ZNF804B: variants seen among roughly 807,000 people sequenced by gnomAD.
The protein encoded by ZNF804B is zinc finger 804B.
ZNF804B carries 80 observed loss-of-function variants against 101.4 expected under a neutral mutation model. The ratio of observed to expected loss-of-function variants is 0.79; its 90% CI spans 0.66 to 0.95. The LOEUF is 0.95. Among genes scored for constraint, ZNF804B ranks in the 40% least tolerant of loss-of-function variants. The pLI is 0.00. For missense variants in ZNF804B, 1,673 were observed against 1,561.9 expected (o/e 1.07, Z -1.20); for synonymous variants, 622 against 558.8 (o/e 1.11, Z -1.59).
At chr7:88,841,220 A>C (rs763069181) in intron 1 of ZNF804B, among the ~76,000 whole-genome samples, 1 of 152,142 alleles carries the variant, frequency 6.6e-6, no homozygotes, top group Non-Finnish European at 1.5e-5. Context: ...TTGGATCTGG[A>C]TTTACACTGG....
chr7:88,977,520 A>G lies in ZNF804B; in HGVS notation c.108+217436A>G, dbSNP rs550688226. Among the ~76,000 whole-genome samples the G allele has an allele frequency of 9.9e-5, 15 of 151,576 alleles. No individual in the cohort carries two copies. The East Asian group carries it at 1.2e-3, about 12-fold the overall frequency. On this transcript the variant is annotated intron_variant, in intron 1 of 3. Transcript: ENST00000333190. ...TTATCCATTTCTTCTAGCTTACTCA[A>G]TTTATTAGCATAGAGTAGCTCATGG...
At chr7:88,760,639 G>T (rs1177711702) in intron 1 of ZNF804B, among the ~76,000 whole-genome samples, 1 of 152,018 alleles carries the variant, frequency 6.6e-6, no homozygotes, top group Non-Finnish European at 1.5e-5. Context: ...GGAAATCTGA[G>T]TTGGATAATT....
At chr7:89,133,852 A>C (rs1047236214) in intron 1 of ZNF804B, among the ~76,000 whole-genome samples, 1 of 152,206 alleles carries the variant, frequency 6.6e-6, no homozygotes, top group Non-Finnish European at 1.5e-5. Context: ...TTTGTATCTC[A>C]TTGTGTCTCT....
At chr7:89,181,407 G>A (rs985474765) in intron 1 of ZNF804B, among the ~76,000 whole-genome samples, 2 of 152,226 alleles carry the variant, frequency 1.3e-5, no homozygotes, top group African/African-American at 4.8e-5. Flanking sequence ...GCTAGGGCTA[G>A]TCTAAATGCT....
intron 1 of ZNF804B, among the ~76,000 whole-genome samples, chr7:89,091,408 A>G (rs1039332836): frequency 1.3e-5 from 2 of 152,196 alleles, no homozygotes; most frequent in African/African-American, 4.8e-5. Context: ...ATATTTCTCT[A>G]TTAGATTTGC....
chr7:89,256,246 CAAAT>C (rs1030976395), intron 2 of ZNF804B, among the ~76,000 whole-genome samples: 9 of 152,182 alleles, frequency 5.9e-5, no homozygotes, highest in East Asian at 5.8e-4. Context: ...GGAAACCACT[CAAAT>C]AAGCCATTAA....
Position 89,218,613 on chromosome 7 carries a change from T to C in ZNF804B, c.249+318T>C, listed in dbSNP as rs569640621. 5.9e-5 allele frequency among the ~76,000 whole-genome samples: 9 copies of C among 152,270 alleles called. No individual in the cohort carries two copies. The East Asian group carries it at 1.7e-3, about 29-fold the overall frequency. On this transcript the variant is annotated intron_variant, in intron 2 of 3. Transcript: ENST00000333190. ...CAGTCAAAAATCCACATATAACTTTTGCAGTTAAAAATCTGCATATGATTT... is the reference window on the plus strand; with the variant it reads ...CAGTCAAAAATCCACATATAACTTTCGCAGTTAAAAATCTGCATATGATTT...
At chr7:88,818,807 T>C (rs6968172) in intron 1 of ZNF804B, among the ~76,000 whole-genome samples, 26,974 of 152,162 alleles carry the variant, frequency 0.18, 2,505 homozygotes, top group African/African-American at 0.24. Context: ...ATGCTAATCA[T>C]ATCTGTGTAT....
At chr7:89,018,715 G>A (rs757988754) in intron 1 of ZNF804B, among the ~76,000 whole-genome samples, 1 of 151,838 alleles carries the variant, frequency 6.6e-6, no homozygotes, top group Admixed American at 6.6e-5. Flanking sequence ...TTTCTCCTTG[G>A]TTCAATCTTG....
intron 1 of ZNF804B, among the ~76,000 whole-genome samples, chr7:88,764,603 A>T (rs1400512474): frequency 6.6e-6 from 1 of 152,164 alleles, no homozygotes; most frequent in East Asian, 1.9e-4. Flanking sequence ...TCTAGAAGAG[A>T]TGAACTACCT....
intron 1 of ZNF804B, among the ~76,000 whole-genome samples, chr7:89,020,835 C>T (rs1788655057): frequency 6.6e-6 from 1 of 151,942 alleles, no homozygotes; most frequent in Non-Finnish European, 1.5e-5. Flanking sequence ...ATGTCTATTT[C>T]TTGGCTTAAT....
At chr7:89,270,143 C>G (rs1017690358) in intron 2 of ZNF804B, among the ~76,000 whole-genome samples, 3 of 152,116 alleles carry the variant, frequency 2.0e-5, no homozygotes, top group African/African-American at 7.2e-5. Context: ...CTTGCCCATG[C>G]CTATGTCCTG....
At chr7:89,094,791 A>G (rs1789947606) in intron 1 of ZNF804B, among the ~76,000 whole-genome samples, 2 of 152,190 alleles carry the variant, frequency 1.3e-5, no homozygotes, top group South Asian at 4.1e-4. Flanking sequence ...AAGTCATTAC[A>G]TATGGAAATA....
intron 1 of ZNF804B, among the ~76,000 whole-genome samples, chr7:88,876,096 G>A (rs1003943495): frequency 6.6e-5 from 10 of 151,884 alleles, no homozygotes; most frequent in Non-Finnish European, 5.9e-5. Context: ...CTCTCTTCTC[G>A]GAGGAATTGC....
At chr7:89,078,491 T>C (rs2116309114) in intron 1 of ZNF804B, among the ~76,000 whole-genome samples, 1 of 152,150 alleles carries the variant, frequency 6.6e-6, no homozygotes, top group South Asian at 2.1e-4. Flanking sequence ...AAAATGTGTT[T>C]TATTTGTTTT....
chr7:89,333,068 T>G (rs1349545974), intron 3 of ZNF804B, among the ~76,000 whole-genome samples: 1 of 151,966 alleles, frequency 6.6e-6, no homozygotes, highest in African/African-American at 2.4e-5. Flanking sequence ...CAAAGATTGA[T>G]AGATTCTATA....
intron 2 of ZNF804B, among the ~76,000 whole-genome samples, chr7:89,299,087 C>T (rs1278640024): frequency 6.6e-6 from 1 of 152,004 alleles, no homozygotes; most frequent in African/African-American, 2.4e-5. Flanking sequence ...TTCCATCCTT[C>T]TTTTCACCTC....
intron 1 of ZNF804B, among the ~76,000 whole-genome samples, chr7:88,856,131 A>G (rs936527036): frequency 6.6e-6 from 1 of 152,088 alleles, no homozygotes; most frequent in South Asian, 2.1e-4. Context: ...GTTTTTTCCA[A>G]TTCTGTGAAG....
intron 1 of ZNF804B, among the ~76,000 whole-genome samples, chr7:88,766,044 A>G (rs181341852): frequency 2.0e-4 from 31 of 152,336 alleles, no homozygotes; most frequent in Non-Finnish European, 4.3e-4. Flanking sequence ...AGGACCTGTA[A>G]TCCCAGCACT....
Sources: allele counts gnomAD v4.1 joint callset (sites outside exome capture counted in the v4.1 genomes callset), GRCh38; gene constraint gnomAD v4.1.1; transcripts MANE v1.5; gene names NCBI Gene and HGNC (gene_info 2026-07-23, HGNC 2026-07-21).